The following GOLGA5 variants were observed in gnomAD, a reference collection of about 807,000 sequenced individuals.
GOLGA5 encodes the protein golgin A5, also known as golgin subfamily A member 5.
In GOLGA5, 50 loss-of-function variants were observed where a neutral mutation model predicts 93.5. The observed-to-expected ratio is 0.53, with a 90% confidence interval of 0.43 to 0.68. The LOEUF is 0.68. GOLGA5 is among the 30% of genes least tolerant of loss of function. The pLI is 0.00. For synonymous variants in GOLGA5, 312 were observed against 304.5 expected (o/e 1.02, Z -0.26); for missense variants, 760 against 856.4 (o/e 0.89, Z 1.40).
intron 8 of GOLGA5, among the ~76,000 whole-genome samples, chr14:92,822,781 C>T (rs546443931): frequency 7.2e-5 from 11 of 152,066 alleles, no homozygotes; most frequent in Admixed American, 1.3e-4. Context: ...CTCAGCCTCC[C>T]GAGTAGCTGG....
At position 92,833,165 on chromosome 14, in the gene GOLGA5, AAAATC is replaced by A; in HGVS notation, c.1764_1768del (p.Asn589ThrfsTer43). Reference sequence around the variant, plus strand: ...AGCAATAGCAGTCAGTCTGAGTTAGAAAATCGACTCCATCAGCTAACAGAGACTCT... The same window carrying A: ...AGCAATAGCAGTCAGTCTGAGTTAGAGACTCCATCAGCTAACAGAGACTCT... On this transcript the variant is annotated frameshift_variant, in exon 10 of 13. Transcript: ENST00000163416. LOFTEE classifies it high-confidence loss of function. 1 of 1,612,966 alleles carries A rather than the reference AAAATC, an allele frequency of 6.2e-7. No homozygotes were observed. The highest frequency in any genetic ancestry group is 8.5e-7 in the Non-Finnish European group (1 of 1,178,924).
At position 92,806,897 on chromosome 14, in the gene GOLGA5, A is replaced by G. The variant is rs779322105; in HGVS notation, c.706A>G (p.Asn236Asp). 6.2e-7 allele frequency: 1 copy of G among 1,613,970 alleles called. No individual in the cohort carries two copies. The highest frequency in any genetic ancestry group is 2.2e-5 in the East Asian group (1 of 44,882). The change falls in exon 3 of 13, where the codon AAT becomes GAT. Residue 236 changes from asparagine to aspartate, a missense_variant. By Grantham distance (23) the Asn-to-Asp change is conservative. Coordinates refer to ENST00000163416, the MANE Select transcript of GOLGA5 (RefSeq NM_005113.4). Reference protein sequence around the residue: ...NLRLENQLLRNEVQSLNQEMA... With the variant: ...NLRLENQLLRDEVQSLNQEMA... ...TCGACTGGAGAATCAGCTGCTGAGG[A>G]ATGAAGTTCAGTCTTTAAATCAAGA...
chr14:92,810,414 G>T, intron 5 of GOLGA5, 37 bp downstream of exon 5: 1 of 1,475,122 alleles, frequency 6.8e-7, no homozygotes, highest in Non-Finnish European at 9.1e-7. Flanking sequence ...ATTGTTACTT[G>T]GACACGGAAA....
chr14:92,822,304 CT>C (rs1013067157), intron 8 of GOLGA5, among the ~76,000 whole-genome samples: 2 of 152,216 alleles, frequency 1.3e-5, no homozygotes, highest in Non-Finnish European at 2.9e-5. Context: ...ATCACCTTTA[CT>C]TTTTCAGACA....
At chr14:92,807,250 C>T (rs562832405) in intron 3 of GOLGA5, among the ~76,000 whole-genome samples, 403 of 151,930 alleles carry the variant, frequency 2.7e-3, no homozygotes, top group African/African-American at 9.1e-3. Context: ...TGCAGTGAAC[C>T]GAGATTGCAC....
intron 12 of GOLGA5, 60 bp from the exon 13 acceptor site, chr14:92,839,306 T>TG: frequency 9.8e-7 from 1 of 1,018,206 alleles, no homozygotes; most frequent in Non-Finnish European, 1.6e-6. Flanking sequence ...CAGTGTACAG[T>TG]GGGCCTTTGG....
At chr14:92,798,928 T>A (rs1162278998) in intron 2 of GOLGA5, among the ~76,000 whole-genome samples, 1 of 152,076 alleles carries the variant, frequency 6.6e-6, no homozygotes, top group African/African-American at 2.4e-5. Flanking sequence ...AAGATAAAAA[T>A]AGAAAAAAGG....
chr14:92,812,270 G>T (rs1403468972), intron 6 of GOLGA5, among the ~76,000 whole-genome samples: 1 of 152,094 alleles, frequency 6.6e-6, no homozygotes, highest in African/African-American at 2.4e-5. Context: ...TCATTTTCCT[G>T]CCTGTGCATT....
chr14:92,815,252 TTAAAAA>T (rs1160087711), intron 6 of GOLGA5, among the ~76,000 whole-genome samples: 1 of 152,234 alleles, frequency 6.6e-6, no homozygotes, highest in Non-Finnish European at 1.5e-5. Flanking sequence ...TCTCTGCACT[TTAAAAA>T]AGTCTACCCA....
At chr14:92,814,591 T>C (rs1314175308) in intron 6 of GOLGA5, among the ~76,000 whole-genome samples, 1 of 152,270 alleles carries the variant, frequency 6.6e-6, no homozygotes, top group Admixed American at 6.5e-5. Context: ...TAAAATGTTA[T>C]AAATGATCAT....
intron 2 of GOLGA5, among the ~76,000 whole-genome samples, chr14:92,804,780 G>C (rs184106544): frequency 3.2e-3 from 476 of 149,152 alleles, no homozygotes; most frequent in Middle Eastern, 0.014. Flanking sequence ...CTCAGCCTCC[G>C]AAGTAGCTGA....
rs1186156727 is a variant in GOLGA5, at chr14:92,799,067, A to G, written c.544+1086A>G. On this transcript the variant is annotated intron_variant, in intron 2 of 12. Coordinates refer to ENST00000163416, the MANE Select transcript of GOLGA5 (RefSeq NM_005113.4). ...CACTACCTTTGACCTCCCCAGGCTC[A>G]AGCGATCCTCCTGCCTCAGCCTCCT... 3.9e-5 allele frequency among the ~76,000 whole-genome samples: 6 copies of G among 151,962 alleles called. No homozygotes were observed. The East Asian group carries it at 7.7e-4, about 20-fold the overall frequency.
intron 6 of GOLGA5, among the ~76,000 whole-genome samples, chr14:92,814,226 C>T (rs1285939660): frequency 1.3e-5 from 2 of 152,048 alleles, no homozygotes; most frequent in South Asian, 2.1e-4. Flanking sequence ...TAAACATCAG[C>T]ATTTACAAAT....
chr14:92,796,163 A>G (rs536987576), intron 1 of GOLGA5, among the ~76,000 whole-genome samples: 10 of 152,380 alleles, frequency 6.6e-5, no homozygotes, highest in African/African-American at 2.4e-4. Flanking sequence ...GCAGTTTAAC[A>G]TTAAGATAGC....
chr14:92,802,966 T>C (rs1019113602), intron 2 of GOLGA5, among the ~76,000 whole-genome samples: 1 of 152,088 alleles, frequency 6.6e-6, no homozygotes, highest in Admixed American at 6.5e-5. Flanking sequence ...AAAACCAAAC[T>C]TAACTTTCAG....
rs1885568327 is a variant in GOLGA5, at chr14:92,833,271, A to G, written c.1869A>G (p.Glu623=). Reference sequence around the variant, plus strand: ...TGGTCTTTCAACTGGAGCGCCTCGAACAGCAGATGAACTCCGCCTCTGGAA... The same window carrying G: ...TGGTCTTTCAACTGGAGCGCCTCGAGCAGCAGATGAACTCCGCCTCTGGAA... ...NSLVFQLERL[E]QQMNSASGSS... Residue 623 remains glutamate, a synonymous_variant, in exon 10 of 13, where the codon GAA becomes GAG. Transcript: ENST00000163416. The G allele has an allele frequency of 1.2e-6, 2 of 1,614,032 alleles. No homozygotes were observed. Among genetic ancestry groups the G allele is most frequent in the Non-Finnish European group, 1.7e-6 (2 of 1,179,888 alleles).
rs1885718955 is a variant in GOLGA5, at chr14:92,839,706, G to A, written c.*260G>A. ...TTAGTGGTCCTAATATATATGTAGA[G>A]AAAGATGGTGGGGTTGTTCACCTCT... On this transcript the variant is annotated 3_prime_UTR_variant, in exon 13 of 13. Transcript: ENST00000163416. 2.0e-6 allele frequency: 1 copy of A among 510,090 alleles called. No individual in the cohort carries two copies. The highest frequency in any genetic ancestry group is 2.9e-5 in the South Asian group (1 of 35,050). 31.6% of individuals were successfully genotyped at this position (510,090 alleles called of 1,614,324 possible).
chr14:92,796,738 A>G (rs1289685248), intron 1 of GOLGA5, among the ~76,000 whole-genome samples: 53 of 144,210 alleles, frequency 3.7e-4, no homozygotes, highest in African/African-American at 1.4e-3. Context: ...TGGGAGGCCG[A>G]GGCGGGTGGA....
At chr14:92,815,758 C>T (rs576032420) in intron 6 of GOLGA5, among the ~76,000 whole-genome samples, 22 of 134,598 alleles carry the variant, frequency 1.6e-4, no homozygotes, top group South Asian at 4.7e-4. Context: ...GGCTGGAGTG[C>T]GGTGGCGCGA....
Sources: gnomAD v4.1 joint callset for allele counts (sites outside exome capture counted in the v4.1 genomes callset) on GRCh38, gnomAD v4.1.1 for gene constraint, MANE v1.5 for transcripts, NCBI Gene and HGNC (gene_info 2026-07-23, HGNC 2026-07-21) for gene names.